RTTN: variants seen among roughly 807,000 people sequenced by gnomAD.
RTTN encodes rotatin.
Under a neutral mutation model 269.2 loss-of-function variants are expected in RTTN, and 182 were observed. That is an observed-to-expected ratio of 0.68 (90% confidence interval 0.60 to 0.76). The LOEUF (loss-of-function observed/expected upper bound fraction) is 0.76, where lower values mean the gene tolerates loss of function less well. Ranked by LOEUF, RTTN falls within the 30% of genes least tolerant of loss-of-function variation. RTTN has a pLI of 0.00. For synonymous variants in RTTN, 1,006 were observed against 963.5 expected (o/e 1.04, Z -0.82); for missense variants, 2,545 against 2,608.6 (o/e 0.98, Z 0.53).
chr18:70,166,014 C>A (rs1371200182), intron 14 of RTTN, 48 bp downstream of exon 14: 1 of 1,591,676 alleles, frequency 6.3e-7, no homozygotes, highest in Non-Finnish European at 8.6e-7. Context: ...ACAAGAGAGT[C>A]TACTATTTGT....
intron 40 of RTTN, among the ~76,000 whole-genome samples, chr18:70,034,985 TACCTAGGAATACAGCTAAC>T (rs2057127529): frequency 6.6e-6 from 1 of 152,016 alleles, no homozygotes; most frequent in South Asian, 2.1e-4. Flanking sequence ...CAAAATGCAA[TACCTAGGAATACAGCTAAC>T]CAGGGAGGTG....
chr18:70,092,315 T>A lies in RTTN; in HGVS notation c.4033-95A>T, dbSNP rs376830069. The A allele has an allele frequency of 9.4e-5, 72 of 761,936 alleles. 1 individual carries two copies. The highest frequency in any genetic ancestry group is 8.9e-4 in the East Asian group (32 of 35,902). 47.2% of individuals were successfully genotyped at this position (761,936 alleles called of 1,614,324 possible). ...ACAAGAATTTTTAATGAAAACAACG[T>A]GAAAATGTATTTTAGACTTGGTTTT... On this transcript the variant is annotated intron_variant, in intron 29 of 48. Transcript: ENST00000640769.
In RTTN at chr18:70,176,860, A is replaced by G; in HGVS notation, c.1306-15T>C. 1 of 1,602,650 alleles carries G rather than the reference A, an allele frequency of 6.2e-7. No individual in the cohort carries two copies. The highest frequency in any genetic ancestry group is 1.1e-5 in the South Asian group (1 of 89,008). ...AGTTTCTCCTTCTGAAAACATTTAC[A>G]CAACATGAAACAGAAGAAAACAACC... is the stretch of plus-strand genomic sequence containing the variant. On this transcript the variant is annotated splice_polypyrimidine_tract_variant and intron_variant, in intron 10 of 48. Coordinates refer to ENST00000640769, the MANE Select transcript of RTTN (RefSeq NM_173630.4).
intron 18 of RTTN, among the ~76,000 whole-genome samples, 195 bp downstream of exon 18, chr18:70,145,417 A>ACTGATTT (rs2060363050): frequency 1.3e-5 from 2 of 152,162 alleles, no homozygotes; most frequent in Admixed American, 1.3e-4. Flanking sequence ...TAGTGCCAAA[A>ACTGATTT]AGGTTGGGAC....
intron 9 of RTTN, among the ~76,000 whole-genome samples, chr18:70,189,775 C>G (rs2061627892): frequency 6.6e-6 from 1 of 152,066 alleles, no homozygotes; most frequent in Non-Finnish European, 1.5e-5. Context: ...CACACAAAAC[C>G]AAGTATGAAG....
chr18:70,105,923 T>C (rs2059309056), intron 28 of RTTN, among the ~76,000 whole-genome samples: 1 of 152,184 alleles, frequency 6.6e-6, no homozygotes, highest in Non-Finnish European at 1.5e-5. Flanking sequence ...ATGTAGCACA[T>C]ATATTAATTA....
At chr18:70,047,005 G>C (rs2057509023) in intron 40 of RTTN, among the ~76,000 whole-genome samples, 1 of 152,176 alleles carries the variant, frequency 6.6e-6, no homozygotes, top group African/African-American at 2.4e-5. Context: ...AGTCATACCA[G>C]AAATATCTGC....
chr18:70,107,615 G>A (rs536225254), intron 28 of RTTN, among the ~76,000 whole-genome samples: 2 of 152,270 alleles, frequency 1.3e-5, no homozygotes, highest in South Asian at 2.1e-4. Context: ...AATCAATGAC[G>A]TAAGCCTCTA....
At chr18:70,205,427 G>T in intron 1 of RTTN, 112 bp from the exon 2 acceptor site, 2 of 1,439,060 alleles carry the variant, frequency 1.4e-6, no homozygotes, top group Admixed American at 1.8e-5. Context: ...TTTTTCAGAA[G>T]CAGGCCACTG....
At chr18:70,110,859 A>T (rs1305095992) in intron 27 of RTTN, among the ~76,000 whole-genome samples, 1 of 152,238 alleles carries the variant, frequency 6.6e-6, no homozygotes, top group South Asian at 2.1e-4. Context: ...TTGACCTGGG[A>T]CGCTAGAGCT....
chr18:70,183,717 C>T (rs557479357), intron 10 of RTTN, among the ~76,000 whole-genome samples: 4 of 152,262 alleles, frequency 2.6e-5, no homozygotes, highest in East Asian at 1.9e-4. Flanking sequence ...TGGCTCCCGA[C>T]GTTGCCAAAC....
Position 70,051,415 on chromosome 18 carries a change from C to T in RTTN, c.5319G>A (p.Ala1773=), listed in dbSNP as rs35439940. The T allele has an allele frequency of 1.6e-5, 25 of 1,600,684 alleles. No individual in the cohort carries two copies. Among genetic ancestry groups the T allele is most frequent in the East Asian group, 4.5e-5 (2 of 44,744 alleles). Residue 1773 remains alanine, a synonymous_variant, in exon 39 of 49, where the codon GCG becomes GCA. Coordinates refer to ENST00000640769, the MANE Select transcript of RTTN (RefSeq NM_173630.4). ...TVALAKHWTA[A]IDMFCTCAGL... ...ATTATGCAAGTATCTTCTTACCAATCGCCGCTGTCCAGTGCTTGGCCAGGG... is the reference window on the plus strand; with the variant it reads ...ATTATGCAAGTATCTTCTTACCAATTGCCGCTGTCCAGTGCTTGGCCAGGG...
At chr18:70,202,893 C>T (rs1030520257) in intron 3 of RTTN, among the ~76,000 whole-genome samples, 1 of 152,026 alleles carries the variant, frequency 6.6e-6, no homozygotes, top group Non-Finnish European at 1.5e-5. Flanking sequence ...TGTTGTGAAC[C>T]GCAGTACCCA....
chr18:70,119,051 T>C (rs768614589), intron 26 of RTTN, among the ~76,000 whole-genome samples: 3 of 152,132 alleles, frequency 2.0e-5, no homozygotes, highest in Non-Finnish European at 4.4e-5. Flanking sequence ...TCACCATGTC[T>C]ATTCAATATG....
chr18:70,165,737 C>T lies in RTTN; in HGVS notation c.1929+325G>A, dbSNP rs8092060. On this transcript the variant is annotated intron_variant, in intron 14 of 48. Coordinates refer to ENST00000640769, the MANE Select transcript of RTTN (RefSeq NM_173630.4). Reference sequence around the variant, plus strand: ...AATTAAAACCATAAAATCTAGGCCACAACAACCTAAAAGGTTTCCTGGGCA... The same window carrying T: ...AATTAAAACCATAAAATCTAGGCCATAACAACCTAAAAGGTTTCCTGGGCA... Among the ~76,000 whole-genome samples the T allele has an allele frequency of 0.078, 11,775 of 151,520 alleles. 971 individuals are homozygous for T. The highest frequency in any genetic ancestry group is 0.2 in the African/African-American group (8,335 of 41,290).
intron 27 of RTTN, among the ~76,000 whole-genome samples, chr18:70,111,420 G>C (rs1026715237): frequency 1.3e-5 from 2 of 152,134 alleles, no homozygotes; most frequent in Non-Finnish European, 2.9e-5. Context: ...AGGCAAACAG[G>C]GTCGAGAGTG....
intron 28 of RTTN, among the ~76,000 whole-genome samples, chr18:70,099,932 T>G (rs560452159): frequency 6.6e-6 from 1 of 152,178 alleles, no homozygotes; most frequent in African/African-American, 2.4e-5. Context: ...TCTGTTCCAT[T>G]GGTCTATATC....
intron 8 of RTTN, chr18:70,193,010 G>C (rs1464612627): frequency 3.6e-6 from 1 of 280,488 alleles, no homozygotes; most frequent in African/African-American, 2.2e-5. Flanking sequence ...TGAACATTTT[G>C]TTTTGGGGGA....
At chr18:70,156,459 T>C (rs2060678488) in intron 14 of RTTN, among the ~76,000 whole-genome samples, 1 of 152,214 alleles carries the variant, frequency 6.6e-6, no homozygotes, top group South Asian at 2.1e-4. Context: ...CAAAACTTCA[T>C]TAGCAATTTT....
Sources: allele counts gnomAD v4.1 joint callset (sites outside exome capture counted in the v4.1 genomes callset), GRCh38; gene constraint gnomAD v4.1.1; transcripts MANE v1.5; gene names NCBI Gene and HGNC (gene_info 2026-07-23, HGNC 2026-07-21).